The following GBF1 variants were observed in gnomAD, a reference collection of about 807,000 sequenced individuals.
GBF1 encodes Golgi-specific brefeldin A-resistance guanine nucleotide exchange factor 1.
A neutral mutation model predicts 210.5 loss-of-function variants in GBF1; 114 were observed. The observed-to-expected ratio is 0.54, with a 90% CI of 0.47 to 0.63. GBF1 has a LOEUF of 0.63. GBF1 is among the 30% of genes least tolerant of loss of function. GBF1 has a pLI of 0.00. For synonymous variants in GBF1, 850 were observed against 889.2 expected (o/e 0.96, Z 0.78); for missense variants, 1,851 against 2,357.7 (o/e 0.79, Z 4.45).
At chr10:102,307,419 A>G (rs2077987853) in intron 3 of GBF1, among the ~76,000 whole-genome samples, 1 of 147,454 alleles carries the variant, frequency 6.8e-6, no homozygotes, top group African/African-American at 2.5e-5. Context: ...TGTTATAGTG[A>G]TGTTCACAAA....
the GBF1 span, among the ~76,000 whole-genome samples, chr10:102,231,374 G>A: frequency 6.6e-6 from 1 of 152,186 alleles, no homozygotes; most frequent in African/African-American, 2.4e-5. Flanking sequence ...CGGTGTCAGG[G>A]CCGAAGAAGC....
At chr10:102,320,489 C>T (rs1007776648) in intron 3 of GBF1, among the ~76,000 whole-genome samples, 2 of 151,998 alleles carry the variant, frequency 1.3e-5, no homozygotes, top group South Asian at 2.1e-4. Flanking sequence ...CCCTTTTCCC[C>T]CTTCTCCATT....
chr10:102,380,484 A>G (rs1200773368), intron 37 of GBF1, 22 bp from the exon 38 acceptor site: 5 of 1,607,724 alleles, frequency 3.1e-6, no homozygotes, highest in African/African-American at 2.7e-5. Flanking sequence ...TCCTATTCTC[A>G]TGGTCCCACT....
intron 3 of GBF1, among the ~76,000 whole-genome samples, chr10:102,330,569 A>C (rs1379720573): frequency 5.3e-5 from 8 of 152,016 alleles, no homozygotes; most frequent in Non-Finnish European, 1.2e-4. Context: ...CTGTAATCCC[A>C]GCTACACTCA....
intron 3 of GBF1, among the ~76,000 whole-genome samples, chr10:102,261,235 TTGTG>T (rs34325175): frequency 6.9e-4 from 103 of 149,986 alleles, no homozygotes; most frequent in African/African-American, 1.1e-3. Flanking sequence ...TACCTTATAT[TTGTG>T]TGTGTGTGTG....
Position 102,360,233 on chromosome 10 carries a change from C to T in GBF1, c.1230C>T (p.Arg410=). 2 of 1,613,824 alleles carry T rather than the reference C, an allele frequency of 1.2e-6. No homozygotes were observed. The highest frequency in any genetic ancestry group is 1.7e-6 in the Non-Finnish European group (2 of 1,179,716). ...TTCCCTGCATCCGCGAGCTCTTCCG[C>T]TTCCTCATCTCCCTCACCAATCCAC... ...YGLPCIRELF[R]FLISLTNPHD... The change falls in exon 12 of 40, where the codon CGC becomes CGT. Residue 410 remains arginine, a synonymous_variant. Transcript: ENST00000369983.
chr10:102,244,656 G>C (rs1276173129), upstream of GBF1, among the ~76,000 whole-genome samples: 1 of 152,126 alleles, frequency 6.6e-6, no homozygotes, highest in African/African-American at 2.4e-5. Context: ...GATAAGGCCC[G>C]TCAAAGGCTT....
upstream of GBF1, among the ~76,000 whole-genome samples, chr10:102,240,749 C>T (rs1314363863): frequency 6.6e-6 from 1 of 152,254 alleles, no homozygotes; most frequent in Admixed American, 6.5e-5. Context: ...CTATACCCGC[C>T]GCCTGGTCAC....
chr10:102,341,346 A>G (rs554290269), intron 3 of GBF1, among the ~76,000 whole-genome samples: 1 of 152,372 alleles, frequency 6.6e-6, no homozygotes, highest in East Asian at 1.9e-4. Flanking sequence ...TCTTATTGCT[A>G]GTGGGAATAC....
At chr10:102,378,005 G>A (rs112920356) in intron 33 of GBF1, among the ~76,000 whole-genome samples, 1 of 149,880 alleles carries the variant, frequency 6.7e-6, no homozygotes, top group Admixed American at 6.7e-5. Context: ...GGATCATGAG[G>A]TCAGGAGATG....
chr10:102,299,063 T>C (rs2077129926), intron 3 of GBF1, among the ~76,000 whole-genome samples: 1 of 152,224 alleles, frequency 6.6e-6, no homozygotes, highest in Admixed American at 6.5e-5. Flanking sequence ...TGGCTTTGAA[T>C]ACTGGCCTCA....
chr10:102,233,037 G>A, the GBF1 span, among the ~76,000 whole-genome samples: 3 of 152,164 alleles, frequency 2.0e-5, no homozygotes, highest in African/African-American at 7.2e-5. Flanking sequence ...TGTAAGCAGT[G>A]GGATTGAGAT....
intron 3 of GBF1, among the ~76,000 whole-genome samples, chr10:102,260,326 CT>C: frequency 6.6e-6 from 1 of 151,882 alleles, no homozygotes; most frequent in Non-Finnish European, 1.5e-5. Flanking sequence ...TATATATTTT[CT>C]TTTTGTTTAT....
At chr10:102,300,006 G>A (rs926265459) in intron 3 of GBF1, among the ~76,000 whole-genome samples, 4 of 152,196 alleles carry the variant, frequency 2.6e-5, no homozygotes, top group Non-Finnish European at 1.5e-5. Flanking sequence ...GTAAATGTGA[G>A]AAAAATGAGT....
At chr10:102,313,490 G>C (rs2078663457) in intron 3 of GBF1, among the ~76,000 whole-genome samples, 1 of 152,122 alleles carries the variant, frequency 6.6e-6, no homozygotes, top group Non-Finnish European at 1.5e-5. Context: ...TGATATTGCA[G>C]GTTATTTATG....
chr10:102,344,017 T>C (rs749302956), intron 3 of GBF1, 34 bp from the exon 4 acceptor site: 50 of 1,596,704 alleles, frequency 3.1e-5, no homozygotes, highest in Non-Finnish European at 3.7e-5. Context: ...TTCTCTTAGA[T>C]GATACCTCTT....
upstream of GBF1, among the ~76,000 whole-genome samples, chr10:102,244,492 C>G (rs532167226): frequency 6.6e-6 from 1 of 152,222 alleles, no homozygotes; most frequent in Non-Finnish European, 1.5e-5. Flanking sequence ...TAACCTCTAT[C>G]ATCTCTTGCA....
chr10:102,232,183 G>A, the GBF1 span: 1 of 753,210 alleles, frequency 1.3e-6, no homozygotes, highest in East Asian at 2.7e-5. Context: ...AAATTCCCTG[G>A]CGCCTTTCTC....
chr10:102,311,709 C>A lies in GBF1; in HGVS notation c.164-32342C>A, dbSNP rs1162041047. ...GCTATGGGCCTAATTTCTTCTGTTC[C>A]CACTCAAATGAACTGCCTTTGCTAG... On this transcript the variant is annotated intron_variant, in intron 3 of 39. Transcript: ENST00000369983. 2.6e-5 allele frequency among the ~76,000 whole-genome samples: 4 copies of A among 152,148 alleles called. No homozygotes were observed. The East Asian group carries it at 5.8e-4, about 22-fold the overall frequency.
Sources: allele counts gnomAD v4.1 joint callset (sites outside exome capture counted in the v4.1 genomes callset), GRCh38; gene constraint gnomAD v4.1.1; transcripts MANE v1.5; gene names NCBI Gene and HGNC (gene_info 2026-07-23, HGNC 2026-07-21).